The following LGR4 variants were observed in gnomAD, a reference collection of about 807,000 sequenced individuals.
The protein encoded by LGR4 is leucine-rich repeat-containing G protein-coupled receptor 4.
LGR4 carries 44 observed loss-of-function variants against 84.8 expected under a neutral mutation model. The ratio of observed to expected loss-of-function variants is 0.52; its 90% confidence interval spans 0.41 to 0.67. The LOEUF (loss-of-function observed/expected upper bound fraction) is 0.67. Ranked by LOEUF, LGR4 falls within the 30% of genes least tolerant of loss-of-function variation. The probability of loss-of-function intolerance (pLI) is 0.00; values close to 1 mark genes in which losing one functional copy is unlikely to be tolerated. For missense variants in LGR4, 1,032 were observed against 1,131.4 expected, an observed-to-expected ratio of 0.91 and a Z score of 1.26; for synonymous variants, 429 against 434.3, an observed-to-expected ratio of 0.99 and a Z score of 0.15.
intron 1 of LGR4, among the ~76,000 whole-genome samples, chr11:27,444,216 G>A (rs1428536950): frequency 1.3e-5 from 2 of 152,140 alleles, no homozygotes; most frequent in African/African-American, 4.8e-5. Flanking sequence ...AACAAAGCAA[G>A]TTCTTTCCAT....
At chr11:27,395,185 T>C (rs1202607396) in intron 2 of LGR4, among the ~76,000 whole-genome samples, 1 of 152,150 alleles carries the variant, frequency 6.6e-6, no homozygotes, top group Non-Finnish European at 1.5e-5. Context: ...CAGATAGCCC[T>C]GTGACTGCTC....
intron 2 of LGR4, among the ~76,000 whole-genome samples, chr11:27,396,066 A>T (rs1365943507): frequency 6.6e-6 from 1 of 152,142 alleles, no homozygotes; most frequent in Admixed American, 6.5e-5. Flanking sequence ...ATCTCAAGAC[A>T]ACTGCCCTGC....
intron 1 of LGR4, among the ~76,000 whole-genome samples, chr11:27,433,180 C>T (rs1453760398): frequency 6.6e-6 from 1 of 152,154 alleles, no homozygotes; most frequent in African/African-American, 2.4e-5. Flanking sequence ...GAACACTACC[C>T]TAGATCAGTC....
intron 2 of LGR4, among the ~76,000 whole-genome samples, chr11:27,396,449 T>C (rs1326548679): frequency 6.6e-6 from 1 of 152,230 alleles, no homozygotes; most frequent in East Asian, 1.9e-4. Flanking sequence ...TGGGATTCCC[T>C]GAGTGCCCAA....
chr11:27,436,351 A>G (rs940110898), intron 1 of LGR4, among the ~76,000 whole-genome samples: 5 of 123,420 alleles, frequency 4.1e-5, no homozygotes, highest in South Asian at 2.4e-4. Flanking sequence ...GAGAGAGAGA[A>G]AGAAAGAAAG....
At chr11:27,403,725 T>C (rs979615314) in intron 2 of LGR4, among the ~76,000 whole-genome samples, 6 of 152,224 alleles carry the variant, frequency 3.9e-5, no homozygotes, top group African/African-American at 1.2e-4. Context: ...CATAGTAGGA[T>C]AATGGCTCCA....
intron 1 of LGR4, among the ~76,000 whole-genome samples, chr11:27,419,842 T>C (rs1863893949): frequency 6.6e-6 from 1 of 151,928 alleles, no homozygotes; most frequent in East Asian, 1.9e-4. Context: ...ACAGGCTACA[T>C]ATTGCACGAT....
At chr11:27,373,220 G>A (rs570834899) in intron 15 of LGR4, 97 of 168,966 alleles carry the variant, frequency 5.7e-4, no homozygotes, top group Non-Finnish European at 9.5e-4. Flanking sequence ...AAACCTTCAT[G>A]AAGTATTATA....
At chr11:27,462,243 C>T (rs1342263266) in intron 1 of LGR4, among the ~76,000 whole-genome samples, 1 of 152,130 alleles carries the variant, frequency 6.6e-6, no homozygotes, top group East Asian at 1.9e-4. Context: ...CTATCACACG[C>T]CCATTTGCTC....
rs189139883 is a variant in LGR4 at position 27,382,965 on chromosome 11, C to A, written c.690-709G>T. On this transcript the variant is annotated intron_variant, in intron 6 of 17. Coordinates refer to ENST00000379214, the MANE Select transcript of LGR4 (RefSeq NM_018490.5). ...CTGGGAGACGGAGGTTGCAGTGAGC[C>A]GAGATCATGCCACTGCACTCCAGCC... 3.9e-5 allele frequency among the ~76,000 whole-genome samples: 6 copies of A among 152,000 alleles called. No individual in the cohort carries two copies. In the East Asian group the frequency reaches 9.7e-4, roughly 24 times the overall value.
chr11:27,391,900 T>C (rs1373961840), intron 3 of LGR4, among the ~76,000 whole-genome samples: 10 of 152,160 alleles, frequency 6.6e-5, no homozygotes, highest in Non-Finnish European at 4.4e-5. Flanking sequence ...CTTCTGAAGG[T>C]CATCCAGCAT....
At chr11:27,379,711 C>T (rs1042527872) in intron 10 of LGR4, among the ~76,000 whole-genome samples, 13 of 152,174 alleles carry the variant, frequency 8.5e-5, no homozygotes, top group Non-Finnish European at 5.9e-5. Flanking sequence ...ACAGACCACT[C>T]ACTGGGAAAC....
intron 4 of LGR4, 71 bp downstream of exon 4, chr11:27,391,023 A>G (rs1365510516): frequency 4.2e-5 from 37 of 871,668 alleles, no homozygotes; most frequent in Non-Finnish European, 2.4e-5. Context: ...TTTCCTTACA[A>G]TTCTAGTTAT....
chr11:27,472,189 G>A lies in LGR4; in HGVS notation c.114C>T (p.Asp38=), dbSNP rs1864890236. 1 of 1,413,078 alleles carries A rather than the reference G, an allele frequency of 7.1e-7. No homozygotes were observed. The highest frequency in any genetic ancestry group is 9.2e-7 in the Non-Finnish European group (1 of 1,083,644). The allele number at this position is 1,413,078 out of a possible 1,614,324, so 87.5% of individuals were successfully genotyped here. The change falls in exon 1 of 18, where the codon GAC becomes GAT. Residue 38 remains aspartate, a synonymous_variant. Coordinates refer to ENST00000379214, the MANE Select transcript of LGR4 (RefSeq NM_018490.5). ...LCAAPCSCDG[D]RRVDCSGKGL... ...CCTTCCCGGAGCAGTCCACCCGACG[G>A]TCGCCGTCGCAGCTGCAGGGCGCCG...
In LGR4 at chr11:27,420,431, G is replaced by A. The variant is rs537061296; in HGVS notation, c.186-7571C>T. 3.2e-4 allele frequency among the ~76,000 whole-genome samples: 49 copies of A among 152,192 alleles called. 2 individuals carry two copies. In the South Asian group the frequency reaches 1.0e-2, roughly 31 times the overall value. On this transcript the variant is annotated intron_variant, in intron 1 of 17. Transcript: ENST00000379214. ...TGAGGCAGTGAGAGGAACAAAACAA[G>A]TAAATACTATGACGTGTGACTCAGC... is the stretch of plus-strand genomic sequence containing the variant.
intron 2 of LGR4, among the ~76,000 whole-genome samples, chr11:27,412,517 A>C (rs977019221): frequency 1.3e-5 from 2 of 152,172 alleles, no homozygotes; most frequent in African/African-American, 4.8e-5. Context: ...GTGTCACTGC[A>C]GCATTTGTAG....
chr11:27,468,337 G>A (rs1401403935), intron 1 of LGR4, among the ~76,000 whole-genome samples: 1 of 152,164 alleles, frequency 6.6e-6, no homozygotes, highest in Non-Finnish European at 1.5e-5. Flanking sequence ...CTGAAACAGA[G>A]TGATTTTATT....
chr11:27,465,816 C>T (rs1864765814), intron 1 of LGR4, among the ~76,000 whole-genome samples: 1 of 152,166 alleles, frequency 6.6e-6, no homozygotes, highest in Non-Finnish European at 1.5e-5. Flanking sequence ...TCAAGAGAGG[C>T]AGACAAATTA....
intron 1 of LGR4, among the ~76,000 whole-genome samples, chr11:27,421,900 C>T (rs1863928542): frequency 6.6e-6 from 1 of 151,692 alleles, no homozygotes; most frequent in African/African-American, 2.4e-5. Flanking sequence ...ATGCCAAAGA[C>T]AAAAAAAATT....
Sources: allele counts gnomAD v4.1 joint callset (sites outside exome capture counted in the v4.1 genomes callset), GRCh38; gene constraint gnomAD v4.1.1; transcripts MANE v1.5; gene names NCBI Gene and HGNC (gene_info 2026-07-23, HGNC 2026-07-21).